Variants in NPAS3 observed in about 807,000 individuals in gnomAD.
The protein encoded by NPAS3 is neuronal PAS domain protein 3.
A neutral mutation model predicts 73.1 loss-of-function variants in NPAS3; 14 were observed. The ratio of observed to expected loss-of-function variants is 0.19; its 90% CI spans 0.13 to 0.30. The LOEUF is 0.30. Among genes scored for constraint, NPAS3 ranks in the 10% least tolerant of loss-of-function variants. The pLI, the probability that NPAS3 is intolerant of heterozygous loss-of-function variation, is 1.00. For synonymous variants in NPAS3, 620 were observed against 541.5 expected, an observed-to-expected ratio of 1.14 and a Z score of -2.01; for missense variants, 1,096 against 1,250.0, an observed-to-expected ratio of 0.88 and a Z score of 1.86.
At chr14:33,284,764 A>ATATC (rs71118536) in intron 3 of NPAS3, among the ~76,000 whole-genome samples, 289 of 148,780 alleles carry the variant, frequency 1.9e-3, no homozygotes, top group East Asian at 3.2e-3. Flanking sequence ...ATCTATATCT[A>ATATC]TATCTATCTA....
At chr14:33,801,153 G>C (rs1372722104), downstream of NPAS3, 2 of 1,534,114 alleles carry the variant, frequency 1.3e-6, no homozygotes, top group Non-Finnish European at 1.7e-6. Context: ...CTTGGAGGAG[G>C]CATCGTCGGC....
At chr14:33,645,092 AAAAAG>A (rs1404671582) in intron 5 of NPAS3, among the ~76,000 whole-genome samples, 2 of 152,118 alleles carry the variant, frequency 1.3e-5, no homozygotes, top group South Asian at 2.1e-4. Context: ...AAAAAAAAAA[AAAAAG>A]AAAGAAAGAA....
intron 4 of NPAS3, among the ~76,000 whole-genome samples, chr14:33,482,263 G>C (rs1594995309): frequency 6.6e-6 from 1 of 152,142 alleles, no homozygotes; most frequent in East Asian, 1.9e-4. Context: ...GATGTTTTAA[G>C]ATAGATGTTC....
intron 5 of NPAS3, among the ~76,000 whole-genome samples, chr14:33,640,149 G>A (rs989362245): frequency 6.6e-6 from 1 of 151,790 alleles, no homozygotes. Context: ...CCCAGGAGTC[G>A]AAGGTTGCAG....
At chr14:33,508,564 A>T (rs368171158) in intron 4 of NPAS3, among the ~76,000 whole-genome samples, 4 of 152,146 alleles carry the variant, frequency 2.6e-5, no homozygotes, top group South Asian at 4.1e-4. Context: ...AGTTCTTAGC[A>T]TCCAGGAAGC....
chr14:33,711,831 G>T (rs371300631), intron 6 of NPAS3, among the ~76,000 whole-genome samples: 1 of 152,030 alleles, frequency 6.6e-6, no homozygotes, highest in East Asian at 1.9e-4. Context: ...CCATAGTCAG[G>T]TGCCTGCTCA....
intron 3 of NPAS3, among the ~76,000 whole-genome samples, chr14:33,295,741 G>A (rs17100573): frequency 0.019 from 2,821 of 152,266 alleles, 58 homozygotes; most frequent in African/African-American, 0.056. Context: ...TCCATAAGGA[G>A]TTATATCGGT....
At chr14:33,399,111 T>C (rs1225541817) in intron 4 of NPAS3, among the ~76,000 whole-genome samples, 3 of 152,100 alleles carry the variant, frequency 2.0e-5, no homozygotes, top group Non-Finnish European at 2.9e-5. Context: ...ATGTGCTTTA[T>C]TGGTTGAAGA....
intron 3 of NPAS3, among the ~76,000 whole-genome samples, chr14:33,230,857 C>T (rs1297043208): frequency 6.6e-6 from 1 of 152,146 alleles, no homozygotes; most frequent in Non-Finnish European, 1.5e-5. Context: ...TTGCTCCAGT[C>T]AGAATGCAAA....
intron 4 of NPAS3, among the ~76,000 whole-genome samples, chr14:33,465,591 T>A (rs775735704): frequency 4.6e-5 from 7 of 152,198 alleles, no homozygotes; most frequent in Non-Finnish European, 1.0e-4. Context: ...TTATTAGCCC[T>A]GTTTTATAAG....
chr14:33,744,552 C>G (rs906610706), intron 7 of NPAS3, among the ~76,000 whole-genome samples: 1 of 151,994 alleles, frequency 6.6e-6, no homozygotes, highest in African/African-American at 2.4e-5. Context: ...TTCTGGGAGG[C>G]GAAGGTGGGA....
chr14:33,227,577 C>A (rs751991565), intron 3 of NPAS3, among the ~76,000 whole-genome samples: 1 of 152,102 alleles, frequency 6.6e-6, no homozygotes, highest in Non-Finnish European at 1.5e-5. Flanking sequence ...TAGCCATTTT[C>A]TTGTCATATC....
At chr14:33,074,466 G>C (rs2041590904) in intron 2 of NPAS3, among the ~76,000 whole-genome samples, 1 of 152,162 alleles carries the variant, frequency 6.6e-6, no homozygotes, top group Non-Finnish European at 1.5e-5. Flanking sequence ...ACCCAGGCTG[G>C]AGGGCAGTGG....
chr14:33,293,394 T>C (rs796842114), intron 3 of NPAS3, among the ~76,000 whole-genome samples: 12 of 152,300 alleles, frequency 7.9e-5, no homozygotes, highest in African/African-American at 2.9e-4. Context: ...ATTGAGCATC[T>C]TTTTAGGATA....
intron 4 of NPAS3, among the ~76,000 whole-genome samples, chr14:33,483,292 A>G (rs17497505): frequency 0.026 from 3,940 of 152,300 alleles, 81 homozygotes; most frequent in Middle Eastern, 0.071. Context: ...TTATCTTGCT[A>G]GGACAGACAG....
At chr14:33,769,063 C>T (rs754419445) in intron 7 of NPAS3, among the ~76,000 whole-genome samples, 3 of 152,120 alleles carry the variant, frequency 2.0e-5, no homozygotes, top group Non-Finnish European at 2.9e-5. Context: ...TATTCTAGAG[C>T]AAGAGGACCT....
chr14:33,461,999 G>A (rs1037660130), intron 4 of NPAS3, among the ~76,000 whole-genome samples: 1 of 152,214 alleles, frequency 6.6e-6, no homozygotes, highest in African/African-American at 2.4e-5. Flanking sequence ...TGCTTGTGAG[G>A]AAGTTCTTCC....
At chr14:32,973,155 G>C (rs2037507610) in intron 1 of NPAS3, among the ~76,000 whole-genome samples, 1 of 152,246 alleles carries the variant, frequency 6.6e-6, no homozygotes, top group South Asian at 2.1e-4. Context: ...TTTCAGCTTA[G>C]TATCTAAGAA....
At chr14:33,335,201 C>T (rs1329389301) in intron 3 of NPAS3, among the ~76,000 whole-genome samples, 1 of 152,032 alleles carries the variant, frequency 6.6e-6, no homozygotes, top group African/African-American at 2.4e-5. Flanking sequence ...ACTTCTTTTC[C>T]TCTGGGTAGA....
Sources: allele counts gnomAD v4.1 joint callset (sites outside exome capture counted in the v4.1 genomes callset), GRCh38; gene constraint gnomAD v4.1.1; transcripts MANE v1.5; gene names NCBI Gene and HGNC (gene_info 2026-07-23, HGNC 2026-07-21).